XPO6: variants seen among roughly 807,000 people sequenced by gnomAD.
The protein encoded by XPO6 is exportin 6, also known as exportin-6.
XPO6 carries 3 observed loss-of-function variants against 130.0 expected under a neutral mutation model. The observed-to-expected ratio is 0.02, with a 90% CI of 0.01 to 0.06. The LOEUF (loss-of-function observed/expected upper bound fraction) is 0.06, where lower values mean the gene tolerates loss of function less well. Among genes scored for constraint, XPO6 ranks in the 10% least tolerant of loss-of-function variants. XPO6 has a pLI of 1.00. For missense variants in XPO6, 970 were observed against 1,393.0 expected (o/e 0.70, Z 4.83); for synonymous variants, 524 against 548.9 (o/e 0.95, Z 0.63).
At position 28,175,947 on chromosome 16, in the gene XPO6, C is replaced by A; in HGVS notation, c.356G>T (p.Arg119Leu). ...GTGGTAGAACATGGGCCAATCCTGA[C>A]GTCCAATATCAACAATAACTTTGCA... is the stretch of plus-strand genomic sequence containing the variant. ...KLCKVIVDIG[R>L]QDWPMFYHDF... Residue 119 changes from arginine (R) to leucine (L), a missense_variant, in exon 4 of 24, where the codon CGT (arginine) becomes CTT (leucine). Physicochemically the swap from Arg to Leu is moderately radical, Grantham distance 102. This residue lies in a region of XPO6 where 936 missense variants were observed against 1,306.8 expected (regional missense o/e 0.72). Transcript: ENST00000304658. 1 of 1,614,116 alleles carries A rather than the reference C, an allele frequency of 6.2e-7. No individual in the cohort carries two copies. Among genetic ancestry groups the A allele is most frequent in the Non-Finnish European group, 8.5e-7 (1 of 1,180,032 alleles).
intron 8 of XPO6, among the ~76,000 whole-genome samples, chr16:28,148,021 T>C (rs964518632): frequency 1.3e-5 from 2 of 152,150 alleles, no homozygotes. Flanking sequence ...CACACTCTTG[T>C]CCTAGGTTCA....
intron 10 of XPO6, 90 bp downstream of exon 10, chr16:28,135,126 C>T (rs1596848143): frequency 2.9e-6 from 3 of 1,046,274 alleles, no homozygotes; most frequent in East Asian, 2.5e-5. Flanking sequence ...GAACAGTCTT[C>T]GGAGCAGAGG....
Position 28,208,739 on chromosome 16 carries a change from C to T in XPO6, c.3+2627G>A, listed in dbSNP as rs146037198. 1.1e-3 allele frequency among the ~76,000 whole-genome samples: 168 copies of T among 152,330 alleles called. 1 individual carries two copies. Among genetic ancestry groups the T allele is most frequent in the African/African-American group, 3.5e-3 (146 of 41,572 alleles). ...TCAATACAAGGGTGCTGGGCTAGCTCAGTCAATAACAAAATTCTGTCCAAG... is the reference window on the plus strand; with the variant it reads ...TCAATACAAGGGTGCTGGGCTAGCTTAGTCAATAACAAAATTCTGTCCAAG... On this transcript the variant is annotated intron_variant, in intron 1 of 23. Coordinates refer to ENST00000304658, the MANE Select transcript of XPO6 (RefSeq NM_015171.4).
At chr16:28,148,860 G>A (rs4788046) in intron 8 of XPO6, among the ~76,000 whole-genome samples, 43,978 of 151,602 alleles carry the variant, frequency 0.29, 6,499 homozygotes, top group Middle Eastern at 0.34. Context: ...TGGTCAACAC[G>A]GTGAAACCCT....
intron 8 of XPO6, among the ~76,000 whole-genome samples, chr16:28,148,972 G>A (rs1409729700): frequency 6.6e-6 from 1 of 151,528 alleles, no homozygotes; most frequent in Non-Finnish European, 1.5e-5. Context: ...AACCCAGGAG[G>A]CAGAGGTTGC....
chr16:28,169,789 G>A lies in XPO6; in HGVS notation c.526C>T (p.Leu176=). 1.2e-6 allele frequency: 2 copies of A among 1,614,076 alleles called. No individual in the cohort carries two copies. Among genetic ancestry groups the A allele is most frequent in the South Asian group, 1.1e-5 (1 of 91,082 alleles). The part of the protein sequence containing the change: ...VARKEELRKL[L]LDQVQTVLGL... ...AGCACTGTCTGCACCTGGTCCAGTA[G>A]CAGCTTCCGCAACTCCTCCTTCCGA... The change falls in exon 5 of 24, where the codon CTA becomes TTA. Residue 176 remains leucine (L), a synonymous_variant. Transcript: ENST00000304658.
intron 1 of XPO6, among the ~76,000 whole-genome samples, chr16:28,210,582 A>G (rs1324333762): frequency 1.3e-4 from 20 of 152,228 alleles, no homozygotes; most frequent in Admixed American, 1.2e-3. Flanking sequence ...AGATGTGGGT[A>G]CACACATTTA....
chr16:28,198,869 C>T (rs905345248), intron 1 of XPO6, among the ~76,000 whole-genome samples: 1 of 150,460 alleles, frequency 6.6e-6, no homozygotes, highest in Non-Finnish European at 1.5e-5. Flanking sequence ...TCTGGCCAGG[C>T]GCAGTGGCTC....
chr16:28,146,128 T>C lies in XPO6; in HGVS notation c.1300A>G (p.Ser434Gly), dbSNP rs201911525. Residue 434 changes from serine to glycine, a missense_variant, in exon 9 of 24, where the codon AGT becomes GGT. Ser to Gly is a moderately conservative substitution (Grantham distance 56, BLOSUM62 0). Transcript: ENST00000304658. ...ACTGCTTCCTTGTCTCCAAGACGAC[T>C]TTTAATTTTACTTGTCAGATAGTCC... is the stretch of plus-strand genomic sequence containing the variant. ...FLDYLTSKIK[S>G]RLGDKEAVLN... 1.2e-6 allele frequency: 2 copies of C among 1,614,114 alleles called. No homozygotes were observed. The highest frequency in any genetic ancestry group is 1.1e-5 in the South Asian group (1 of 91,080).
intron 8 of XPO6, among the ~76,000 whole-genome samples, chr16:28,149,728 G>A (rs899816129): frequency 6.6e-6 from 1 of 152,116 alleles, no homozygotes; most frequent in East Asian, 1.9e-4. Flanking sequence ...TACACACAAC[G>A]ATGACATCAC....
Position 28,125,811 on chromosome 16 carries a change from C to T in XPO6, c.1644G>A (p.Arg548=). ...RLNITAENDC[R]RLHCSLRDLS... is the part of the protein sequence containing the mutation. ...AGTCTCTCAGGGAGCAGTGCAGCCG[C>T]CGGCAGTCGTTCTCCGCCGTGATGT... Residue 548 remains arginine, a synonymous_variant, in exon 13 of 24, where the codon CGG becomes CGA. Coordinates refer to ENST00000304658, the MANE Select transcript of XPO6 (RefSeq NM_015171.4). 1 of 1,614,132 alleles carries T rather than the reference C, an allele frequency of 6.2e-7. No individual in the cohort carries two copies. Among genetic ancestry groups the T allele is most frequent in the East Asian group, 2.2e-5 (1 of 44,886 alleles).
chr16:28,133,694 G>C, intron 11 of XPO6, 147 bp downstream of exon 11: 1 of 705,648 alleles, frequency 1.4e-6, no homozygotes, highest in East Asian at 2.9e-5. Context: ...TGTTCAGTTT[G>C]AGCATCACTT....
chr16:28,101,342 C>T lies in XPO6; in HGVS notation c.3276+116G>A. 2.3e-6 allele frequency: 2 copies of T among 880,176 alleles called. No individual in the cohort carries two copies. The highest frequency in any genetic ancestry group is 2.8e-5 in the South Asian group (2 of 71,804). 54.5% of individuals were successfully genotyped at this position (880,176 alleles called of 1,614,324 possible). ...CATCTCGTGAGCTGCCGCCAAGCTGCAGGGTGGGCACAGACCACGCCCAGA... is the reference window on the plus strand; with the variant it reads ...CATCTCGTGAGCTGCCGCCAAGCTGTAGGGTGGGCACAGACCACGCCCAGA... On this transcript the variant is annotated intron_variant, in intron 23 of 23. Transcript: ENST00000304658. This position sits in a 1 kb window ranked among gnomAD's most constrained non-coding sequence, Gnocchi z 5.4.
At chr16:28,202,141 C>T (rs1340555908) in intron 1 of XPO6, among the ~76,000 whole-genome samples, 4 of 152,182 alleles carry the variant, frequency 2.6e-5, no homozygotes, top group Non-Finnish European at 5.9e-5. Flanking sequence ...AAATGGTTTG[C>T]TGTGGCTGGA....
chr16:28,186,339 TTC>T (rs540945034), intron 1 of XPO6, among the ~76,000 whole-genome samples: 6 of 150,656 alleles, frequency 4.0e-5, no homozygotes, highest in Admixed American at 1.3e-4. Context: ...GCCAGATAAA[TTC>T]TCTTAAATAT....
chr16:28,146,053 CA>C, intron 9 of XPO6, 40 bp downstream of exon 9: 1 of 1,506,220 alleles, frequency 6.6e-7, no homozygotes. Flanking sequence ...GAATAACTGG[CA>C]AAATGACCAT....
intron 8 of XPO6, among the ~76,000 whole-genome samples, chr16:28,150,696 C>T (rs563693016): frequency 6.6e-6 from 1 of 152,130 alleles, no homozygotes; most frequent in Admixed American, 6.5e-5. Context: ...CATTCCATCT[C>T]CCCCAAGTAA....
intron 1 of XPO6, among the ~76,000 whole-genome samples, chr16:28,184,599 T>TAAAAAAAAAAAA (rs775780148): frequency 1.0e-5 from 1 of 99,266 alleles, no homozygotes; most frequent in South Asian, 2.8e-4. Context: ...AACAAATCAG[T>TAAAAAAAAAAAA]AAAAAAAAAA....
chr16:28,189,589 G>GA (rs146763179), intron 1 of XPO6, among the ~76,000 whole-genome samples: 8,890 of 122,716 alleles, frequency 0.072, 655 homozygotes, highest in East Asian at 0.2. Flanking sequence ...AGTTGCAGGA[G>GA]AAAAAAAAAT....
Sources: gnomAD v4.1 joint callset for allele counts (sites outside exome capture counted in the v4.1 genomes callset) on GRCh38, gnomAD v4.1.1 for gene constraint, gnomAD v4.1.1 regional missense constraint, Gnocchi (gnomAD v3.1) non-coding constraint, MANE v1.5 for transcripts, NCBI Gene and HGNC (gene_info 2026-07-23, HGNC 2026-07-21) for gene names.